PRMT8: variants seen among roughly 807,000 people sequenced by gnomAD.
PRMT8 encodes protein arginine N-methyltransferase 8.
In PRMT8, 7 loss-of-function variants were observed where a neutral mutation model predicts 47.1. The observed-to-expected ratio is 0.15, with a 90% CI of 0.08 to 0.28. The LOEUF is 0.28. Among genes scored for constraint, PRMT8 ranks in the 10% least tolerant of loss-of-function variants. The probability of loss-of-function intolerance (pLI) is 1.00; values close to 1 mark genes in which losing one functional copy is unlikely to be tolerated. For synonymous variants in PRMT8, 188 were observed against 186.5 expected (o/e 1.01, Z -0.07); for missense variants, 237 against 505.4 (o/e 0.47, Z 5.09).
At chr12:3,411,509 GA>G (rs1334614516) in intron 1 of PRMT8, among the ~76,000 whole-genome samples, 2 of 152,126 alleles carry the variant, frequency 1.3e-5, no homozygotes, top group African/African-American at 4.8e-5. Context: ...TTCTTCATGG[GA>G]AAAAACCCCT....
At chr12:3,523,223 G>A (rs1865906789) in intron 1 of PRMT8, among the ~76,000 whole-genome samples, 1 of 152,200 alleles carries the variant, frequency 6.6e-6, no homozygotes, top group Non-Finnish European at 1.5e-5. Context: ...CCAATTTCAA[G>A]GCTGGGTGAG....
intron 4 of PRMT8, among the ~76,000 whole-genome samples, chr12:3,567,232 T>C (rs1591606418): frequency 6.6e-6 from 1 of 152,368 alleles, no homozygotes; most frequent in Non-Finnish European, 1.5e-5. Context: ...ATCAATACAA[T>C]CACCCTCTAA....
At chr12:3,544,926 C>A (rs1323137752) in intron 2 of PRMT8, among the ~76,000 whole-genome samples, 1 of 152,186 alleles carries the variant, frequency 6.6e-6, no homozygotes, top group Non-Finnish European at 1.5e-5. Context: ...CTCAGCCAAT[C>A]CACTTCCATC....
At chr12:3,568,578 G>C (rs1214495583) in intron 4 of PRMT8, 128 bp from the exon 5 acceptor site, 1 of 1,017,826 alleles carries the variant, frequency 9.8e-7, no homozygotes, top group East Asian at 2.5e-5. Flanking sequence ...TAAAGGGTGA[G>C]CTACATCATA....
chr12:3,492,571 G>A lies in PRMT8; in HGVS notation c.75+871G>A, dbSNP rs1292560558. Among the ~76,000 whole-genome samples, 2 of 152,176 alleles carry A rather than the reference G, an allele frequency of 1.3e-5. No homozygotes were observed. Among genetic ancestry groups the A allele is most frequent in the African/African-American group, 4.8e-5 (2 of 41,436 alleles). On this transcript the variant is annotated intron_variant, in intron 1 of 9. Transcript: ENST00000382622. The surrounding 1 kb of genome is among the most constrained non-coding windows in gnomAD (Gnocchi z 7.5). ...AGCCTTTTTCTCTACTCTCCAGCTG[G>A]CCCTGAGCCGCAGAGAGCCCTGCTG...
intron 2 of PRMT8, among the ~76,000 whole-genome samples, chr12:3,545,710 G>C (rs752366839): frequency 1.3e-5 from 2 of 152,092 alleles, no homozygotes; most frequent in Non-Finnish European, 2.9e-5. Flanking sequence ...AGAAAACATG[G>C]AGCCAAACCT....
chr12:3,462,237 G>A (rs1384936339), intron 1 of PRMT8, among the ~76,000 whole-genome samples: 1 of 152,014 alleles, frequency 6.6e-6, no homozygotes, highest in Non-Finnish European at 1.5e-5. Context: ...TCCTTTTTAT[G>A]CCGTGAATGT....
At chr12:3,522,759 A>G (rs1865899104) in intron 1 of PRMT8, among the ~76,000 whole-genome samples, 1 of 151,966 alleles carries the variant, frequency 6.6e-6, no homozygotes, top group Admixed American at 6.6e-5. Context: ...AATACATTAC[A>G]CTAGGGTCAA....
At chr12:3,399,397 G>C (rs1864295626) in intron 1 of PRMT8, among the ~76,000 whole-genome samples, 1 of 152,182 alleles carries the variant, frequency 6.6e-6, no homozygotes, top group South Asian at 2.1e-4. Context: ...GCAGTTTGGG[G>C]ACTGGAGGGA....
intron 2 of PRMT8, among the ~76,000 whole-genome samples, chr12:3,545,230 G>A (rs1866307322): frequency 6.6e-6 from 1 of 152,248 alleles, no homozygotes; most frequent in African/African-American, 2.4e-5. Flanking sequence ...CACAAACAGT[G>A]GAGGTATGAT....
chr12:3,559,086 A>C (rs546973300), intron 4 of PRMT8, among the ~76,000 whole-genome samples: 1 of 152,082 alleles, frequency 6.6e-6, no homozygotes, highest in African/African-American at 2.4e-5. Context: ...GCGTTCATCC[A>C]TCTACTGATC....
intron 9 of PRMT8, among the ~76,000 whole-genome samples, chr12:3,592,785 G>A (rs774465701): frequency 7.9e-5 from 12 of 152,200 alleles, no homozygotes; most frequent in Admixed American, 2.0e-4. Context: ...CGCTAAAAAC[G>A]TCTGCAGAGT....
At position 3,493,915 on chromosome 12, in the gene PRMT8, C is replaced by A. The variant is rs887597097; in HGVS notation, c.75+2215C>A. Among the ~76,000 whole-genome samples the A allele has an allele frequency of 6.6e-6, 1 of 152,238 alleles. No homozygotes were observed. The highest frequency in any genetic ancestry group is 1.5e-5 in the Non-Finnish European group (1 of 68,048). On this transcript the variant is annotated intron_variant, in intron 1 of 9. Transcript: ENST00000382622. This position sits in a 1 kb window ranked among gnomAD's most constrained non-coding sequence, Gnocchi z 8.2. Reference sequence around the variant, plus strand: ...TTGGCGGATCGGTTCTTAGCAACTTCCCTGGAGAAGGGGTAGAACCCAGAC... The same window carrying A: ...TTGGCGGATCGGTTCTTAGCAACTTACCTGGAGAAGGGGTAGAACCCAGAC...
At chr12:3,437,346 A>G (rs111548678) in intron 1 of PRMT8, among the ~76,000 whole-genome samples, 2,629 of 152,070 alleles carry the variant, frequency 0.017, 74 homozygotes, top group African/African-American at 0.058. Flanking sequence ...TGTACAATTT[A>G]GTTTTATATA....
Position 3,397,523 on chromosome 12 carries a change from G to A in PRMT8, c.48+16081G>A, listed in dbSNP as rs372940577. On this transcript the variant is annotated intron_variant, in intron 1 of 9. Coordinates refer to the PRMT8 transcript ENST00000452611. ...GGGGTGCCTCCCAGTTAGGCTGCTC[G>A]GGGGTCAGGGGTCAGGGACCCACTT... 2.0e-3 allele frequency among the ~76,000 whole-genome samples: 299 copies of A among 150,660 alleles called. 1 individual carries two copies. Among genetic ancestry groups the A allele is most frequent in the African/African-American group, 3.2e-3 (131 of 40,942 alleles).
At position 3,577,465 on chromosome 12, in the gene PRMT8, C is replaced by A. The variant is rs533267037; in HGVS notation, c.828+479C>A. Among the ~76,000 whole-genome samples, 3 of 152,260 alleles carry A rather than the reference C, an allele frequency of 2.0e-5. No homozygotes were observed. The East Asian group carries it at 5.8e-4, about 29-fold the overall frequency. On this transcript the variant is annotated intron_variant, in intron 7 of 9. Coordinates refer to ENST00000382622, the MANE Select transcript of PRMT8 (RefSeq NM_019854.5). ...TTCCAGCTGCCCCTTCCTGAGCGTC[C>A]CTGTTCATGCTCTCGCCTCCACATA...
chr12:3,416,146 G>A (rs1038685454), intron 1 of PRMT8, among the ~76,000 whole-genome samples: 4 of 152,126 alleles, frequency 2.6e-5, no homozygotes, highest in African/African-American at 9.7e-5. Flanking sequence ...CTCGCTCCAC[G>A]GGCCTCTCCT....
chr12:3,384,693 C>A (rs1044105798), intron 1 of PRMT8, among the ~76,000 whole-genome samples: 2 of 152,020 alleles, frequency 1.3e-5, no homozygotes, highest in Non-Finnish European at 2.9e-5. Flanking sequence ...GCTTTTATGT[C>A]TTGTTGGCCA....
Position 3,567,788 on chromosome 12 carries a change from C to T in PRMT8, c.482-918C>T, listed in dbSNP as rs112638364. On this transcript the variant is annotated intron_variant, in intron 4 of 9. Coordinates refer to ENST00000382622, the MANE Select transcript of PRMT8 (RefSeq NM_019854.5). ...GCTGATAACTTGGTCAATTAACACA[C>T]ATTGGCTGGCTGTGGTGGCTCATGC... 1.1e-4 allele frequency among the ~76,000 whole-genome samples: 16 copies of T among 152,292 alleles called. 1 individual carries two copies. Among genetic ancestry groups the T allele is most frequent in the Admixed American group, 3.3e-4 (5 of 15,288 alleles).
Sources: allele counts gnomAD v4.1 joint callset (sites outside exome capture counted in the v4.1 genomes callset), GRCh38; gene constraint gnomAD v4.1.1; non-coding constraint Gnocchi (gnomAD v3.1); transcripts MANE v1.5; gene names NCBI Gene and HGNC (gene_info 2026-07-23, HGNC 2026-07-21).